The following VTI1B variants were observed in gnomAD, a reference collection of about 807,000 sequenced individuals.
VTI1B encodes vesicle transport through interaction with t-SNAREs homolog 1B.
VTI1B carries 18 observed loss-of-function variants against 28.6 expected under a neutral mutation model. The observed-to-expected ratio is 0.63, with a 90% CI of 0.43 to 0.93. The LOEUF (loss-of-function observed/expected upper bound fraction) is 0.93. Ranked by LOEUF, VTI1B falls within the 40% of genes least tolerant of loss-of-function variation. VTI1B has a pLI of 0.00. For synonymous variants in VTI1B, 100 were observed against 107.9 expected (o/e 0.93, Z 0.46); for missense variants, 283 against 297.0 (o/e 0.95, Z 0.35).
chr14:67,653,390 G>T, intron 5 of VTI1B, 47 bp downstream of exon 5: 1 of 1,563,086 alleles, frequency 6.4e-7, no homozygotes, highest in Non-Finnish European at 8.8e-7. Context: ...CTTTTTGGTT[G>T]AAAGCCACTG....
Position 67,650,461 on chromosome 14 carries a change from A to ATGTT in VTI1B, c.*920_*923dup. The ATGTT allele has an allele frequency of 2.1e-6, 1 of 486,080 alleles. No homozygotes were observed. Among genetic ancestry groups the ATGTT allele is most frequent in the South Asian group, 2.6e-5 (1 of 38,030 alleles). 30.1% of individuals were successfully genotyped at this position (486,080 alleles called of 1,614,324 possible). On this transcript the variant is annotated 3_prime_UTR_variant, in exon 6 of 6. Coordinates refer to ENST00000554659, the MANE Select transcript of VTI1B (RefSeq NM_006370.3). The stretch of plus-strand genomic sequence containing the variant: ...AGAACGCCTGACAATTATGCCTGTT[A>ATGTT]TGTTAGTTGAACAGGGATGGTTTAT...
At chr14:67,668,791 G>T (rs559723933) in intron 1 of VTI1B, among the ~76,000 whole-genome samples, 24 of 152,154 alleles carry the variant, frequency 1.6e-4, no homozygotes, top group Admixed American at 7.9e-4. Context: ...GTCTGGGGTG[G>T]GGCCTGAGAA....
intron 3 of VTI1B, among the ~76,000 whole-genome samples, chr14:67,658,366 G>A (rs2140817789): frequency 6.6e-6 from 1 of 152,088 alleles, no homozygotes; most frequent in Non-Finnish European, 1.5e-5. Flanking sequence ...AGGCCGAGAC[G>A]GGTGGATCAC....
At chr14:67,662,765 G>A (rs543745961) in intron 1 of VTI1B, among the ~76,000 whole-genome samples, 4 of 152,134 alleles carry the variant, frequency 2.6e-5, no homozygotes, top group South Asian at 2.1e-4. Flanking sequence ...TTAGCCGGGC[G>A]TGGTGGCAGG....
Position 67,653,488 on chromosome 14 carries a change from G to T in VTI1B, c.551C>A (p.Thr184Lys). The change falls in exon 5 of 6, where the codon ACA becomes AAA. Residue 184 changes from threonine (T) to lysine (K), a missense_variant. Transcript: ENST00000554659. ...LERTKSRLVN[T>K]SENLSKSRKI... ...CCGACTTTTGCTCAAGTTTTCACTT[G>T]TGTTTACCAGCTGAGAAGAGAAAAT... The T allele has an allele frequency of 6.2e-7, 1 of 1,613,800 alleles. No individual in the cohort carries two copies. The highest frequency in any genetic ancestry group is 8.5e-7 in the Non-Finnish European group (1 of 1,179,776).
intron 1 of VTI1B, chr14:67,663,193 T>G (rs750188101): frequency 6.6e-7 from 1 of 1,524,124 alleles, no homozygotes; most frequent in African/African-American, 1.4e-5. Flanking sequence ...AATCTCCCCT[T>G]TGAACAAAAA....
At position 67,674,479 on chromosome 14, in the gene VTI1B, G is replaced by C. The variant is rs1348369228; in HGVS notation, c.11C>G (p.Ser4Cys). The change falls in exon 1 of 6, where the codon TCC (serine) becomes TGC (cysteine). Residue 4 changes from serine (S) to cysteine (C), a missense_variant. By Grantham distance (112) the Ser-to-Cys change is moderately radical. Coordinates refer to ENST00000554659, the MANE Select transcript of VTI1B (RefSeq NM_006370.3). Reference sequence around the variant, plus strand: ...CTCGAAATGCTCCGAGGAGGCGGCGGAGGAGGCCATGGCGCAGGCCGCGCT... The same window carrying C: ...CTCGAAATGCTCCGAGGAGGCGGCGCAGGAGGCCATGGCGCAGGCCGCGCT... MAS[S>C]AASSEHFEKL... The C allele has an allele frequency of 6.2e-7, 1 of 1,605,544 alleles. No homozygotes were observed. Among genetic ancestry groups the C allele is most frequent in the African/African-American group, 1.3e-5 (1 of 74,656 alleles).
chr14:67,659,678 G>T, intron 3 of VTI1B, 53 bp downstream of exon 3: 2 of 1,515,538 alleles, frequency 1.3e-6, no homozygotes, highest in Non-Finnish European at 8.9e-7. Flanking sequence ...GTTAATTTTT[G>T]TACCACAGGC....
chr14:67,661,922 C>T lies in VTI1B; in HGVS notation c.174+555G>A, dbSNP rs543731899. On this transcript the variant is annotated intron_variant, in intron 2 of 5. Transcript: ENST00000554659. ...TTGTAATCCCTGTACTTTGGGAGGC[C>T]GAGGCGGGCAGATCATGAGGTCAGG... Among the ~76,000 whole-genome samples, 7 of 151,972 alleles carry T rather than the reference C, an allele frequency of 4.6e-5. No individual in the cohort carries two copies. The South Asian group carries it at 6.2e-4, about 14-fold the overall frequency.
intron 2 of VTI1B, 39 bp downstream of exon 2, chr14:67,662,438 C>A: frequency 6.4e-7 from 1 of 1,569,682 alleles, no homozygotes; most frequent in Non-Finnish European, 8.8e-7. Flanking sequence ...AAAAGACCAA[C>A]ACCAGGTAGA....
At chr14:67,652,960 T>C (rs944394463) in intron 5 of VTI1B, among the ~76,000 whole-genome samples, 3 of 152,116 alleles carry the variant, frequency 2.0e-5, no homozygotes, top group African/African-American at 7.2e-5. Context: ...TGGCTAATTT[T>C]TTTGTATTTT....
At chr14:67,665,780 C>T (rs1289572674) in intron 1 of VTI1B, among the ~76,000 whole-genome samples, 1 of 152,064 alleles carries the variant, frequency 6.6e-6, no homozygotes, top group Non-Finnish European at 1.5e-5. Flanking sequence ...TTGTTGTGTG[C>T]CACCCCCTTA....
At chr14:67,670,567 C>CTT (rs71129845) in intron 1 of VTI1B, among the ~76,000 whole-genome samples, 2 of 148,148 alleles carry the variant, frequency 1.3e-5, no homozygotes, top group African/African-American at 5.0e-5. Flanking sequence ...GGTTTGTTAC[C>CTT]TTTTTTTTTT....
At position 67,656,445 on chromosome 14, in the gene VTI1B, G is replaced by A. The variant is rs1348982054; in HGVS notation, c.511C>T (p.Arg171Ter). ...CTCTTGGTACGTTCTAACTGGTCTC[G>A]TTGTTCCCCCAGCTCTTCTATGATT... ...SEIIEELGEQRDQLERTKSRL... is the reference protein window; with the variant it reads ...SEIIEELGEQ Residue 171 changes from arginine to a stop codon, truncating the protein, a stop_gained, in exon 4 of 6, where the codon CGA becomes TGA. Coordinates refer to ENST00000554659, the MANE Select transcript of VTI1B (RefSeq NM_006370.3). LOFTEE classifies it high-confidence loss of function. 7 of 1,612,670 alleles carry A rather than the reference G, an allele frequency of 4.3e-6. No individual in the cohort carries two copies. The African/African-American group carries it at 5.4e-5, about 12-fold the overall frequency.
In VTI1B at chr14:67,647,152, C is replaced by A; in HGVS notation, c.*4233G>T. On this transcript the variant is annotated 3_prime_UTR_variant, in exon 6 of 6. Transcript: ENST00000554659. ...AACATACACATAATTTTAAATAGTT[C>A]AGAAAGGCAAAATTTGAAACACAGG... 1.6e-6 allele frequency: 1 copy of A among 630,570 alleles called. No homozygotes were observed. Among genetic ancestry groups the A allele is most frequent in the Non-Finnish European group, 2.7e-6 (1 of 373,808 alleles). The allele number at this position is 630,570 out of a possible 1,614,324, so 39.1% of individuals were successfully genotyped here. A position where few individuals can be genotyped will look rare whatever the true frequency, so the allele number is the denominator to read the frequency against.
intron 1 of VTI1B, among the ~76,000 whole-genome samples, chr14:67,672,604 G>A (rs1279115866): frequency 2.6e-5 from 4 of 151,332 alleles, no homozygotes; most frequent in South Asian, 2.1e-4. Context: ...CACCATGCCC[G>A]GCTAATTTTT....
chr14:67,667,695 T>C (rs886720657), intron 1 of VTI1B, among the ~76,000 whole-genome samples: 1 of 152,040 alleles, frequency 6.6e-6, no homozygotes, highest in East Asian at 1.9e-4. Flanking sequence ...CTGTAATCCC[T>C]GCACTTTGGG....
rs771831049 is a variant in VTI1B at position 67,651,382 on chromosome 14, AG to A, written c.*2del. The stretch of plus-strand genomic sequence containing the variant: ...TGGTCCACAAACCCTTCCCTATAGA[AG>A]TTCAATGGCTGCGAAAGAATTTGTA... On this transcript the variant is annotated 3_prime_UTR_variant, in exon 6 of 6. Coordinates refer to ENST00000554659, the MANE Select transcript of VTI1B (RefSeq NM_006370.3). 4.3e-6 allele frequency: 7 copies of A among 1,613,654 alleles called. No homozygotes were observed. Among genetic ancestry groups the A allele is most frequent in the Non-Finnish European group, 5.9e-6 (7 of 1,179,742 alleles).
At chr14:67,662,173 C>CAA (rs1397307839) in intron 2 of VTI1B, among the ~76,000 whole-genome samples, 2 of 140,052 alleles carry the variant, frequency 1.4e-5, no homozygotes, top group African/African-American at 5.6e-5. Flanking sequence ...ACAACAACAA[C>CAA]AACAACAAAA....
Sources: allele counts gnomAD v4.1 joint callset (sites outside exome capture counted in the v4.1 genomes callset), GRCh38; gene constraint gnomAD v4.1.1; transcripts MANE v1.5; gene names NCBI Gene and HGNC (gene_info 2026-07-23, HGNC 2026-07-21).